The following FBN2 variants were observed in gnomAD, a reference collection of about 807,000 sequenced individuals.
The protein encoded by FBN2 is fibrillin-2.
A neutral mutation model predicts 355.6 loss-of-function variants in FBN2; 105 were observed. The observed-to-expected ratio is 0.30, with a 90% confidence interval of 0.25 to 0.35. The LOEUF (loss-of-function observed/expected upper bound fraction) is 0.35. Among genes scored for constraint, FBN2 ranks in the 10% least tolerant of loss-of-function variants. The pLI, the probability that FBN2 is intolerant of heterozygous loss-of-function variation, is 1.00. For synonymous variants in FBN2, 1,350 were observed against 1,301.2 expected, an observed-to-expected ratio of 1.04 and a Z score of -0.81; for missense variants, 3,280 against 3,758.7, an observed-to-expected ratio of 0.87 and a Z score of 3.33.
chr5:128,316,382 T>C (rs1344062607), intron 36 of FBN2, among the ~76,000 whole-genome samples: 1 of 152,214 alleles, frequency 6.6e-6, no homozygotes, highest in Non-Finnish European at 1.5e-5. Context: ...CTTAATATTT[T>C]ATAATGTTTC....
At chr5:128,433,518 A>G (rs1753678722) in intron 7 of FBN2, among the ~76,000 whole-genome samples, 1 of 152,194 alleles carries the variant, frequency 6.6e-6, no homozygotes, top group Admixed American at 6.5e-5. Context: ...ATAATGCACT[A>G]TTACTAATGG....
chr5:128,506,606 A>G (rs898184492), intron 5 of FBN2, among the ~76,000 whole-genome samples: 10 of 152,106 alleles, frequency 6.6e-5, no homozygotes, highest in Non-Finnish European at 1.3e-4. Flanking sequence ...AAGTAAAACA[A>G]TTTTACTTCC....
At chr5:128,392,524 A>T (rs1337701114) in intron 10 of FBN2, among the ~76,000 whole-genome samples, 2 of 152,262 alleles carry the variant, frequency 1.3e-5, no homozygotes, top group Non-Finnish European at 2.9e-5. Flanking sequence ...ACATCTTTAA[A>T]TATTATTAGC....
At chr5:128,279,815 G>A (rs1164491324) in intron 56 of FBN2, among the ~76,000 whole-genome samples, 1 of 152,054 alleles carries the variant, frequency 6.6e-6, no homozygotes. Flanking sequence ...AACCTTCCCT[G>A]CATTTTTGAA....
chr5:128,394,921 G>A (rs946937421), intron 9 of FBN2, among the ~76,000 whole-genome samples: 2 of 152,138 alleles, frequency 1.3e-5, no homozygotes, highest in African/African-American at 4.8e-5. Context: ...AAGTATCTGG[G>A]ATTACAGGCA....
chr5:128,537,082 G>C (rs1384900967), intron 1 of FBN2, among the ~76,000 whole-genome samples: 2 of 152,004 alleles, frequency 1.3e-5, no homozygotes, highest in African/African-American at 4.8e-5. Context: ...CGCGAGCTCT[G>C]CACACGCTCT....
rs560759756 is a variant in FBN2, at chr5:128,408,918, C to A, written c.953-119G>T. 239 of 1,073,680 alleles carry A rather than the reference C, an allele frequency of 2.2e-4. 2 individuals carry two copies. In the Admixed American group the frequency reaches 4.3e-3, roughly 19 times the overall value. 66.5% of individuals were successfully genotyped at this position (1,073,680 alleles called of 1,614,324 possible). On this transcript the variant is annotated intron_variant, in intron 7 of 64. Coordinates refer to ENST00000262464, the MANE Select transcript of FBN2 (RefSeq NM_001999.4). ...TGGTTGATTAGGTCAGATCATATAA[C>A]CCTGAAGATACTCTTGTTTCAGGCC...
chr5:128,359,136 A>G (rs2126933807), intron 19 of FBN2, among the ~76,000 whole-genome samples: 1 of 152,212 alleles, frequency 6.6e-6, no homozygotes, highest in East Asian at 1.9e-4. Context: ...AAAGTAAAAT[A>G]AAGTTTCTGT....
intron 7 of FBN2, among the ~76,000 whole-genome samples, chr5:128,409,609 T>C (rs1314099017): frequency 6.6e-6 from 1 of 152,162 alleles, no homozygotes; most frequent in African/African-American, 2.4e-5. Context: ...TGGGAGCTAA[T>C]TGCTAATACA....
At chr5:128,310,382 ATATATATATATATATATATATTT>A (rs1561763363) in intron 39 of FBN2, among the ~76,000 whole-genome samples, 2 of 12,780 alleles carry the variant, frequency 1.6e-4, no homozygotes, top group South Asian at 2.7e-3. Flanking sequence ...ATATATATAT[ATATATATATATATATATATATTT>A]TTTTTTTTTT....
chr5:128,474,923 A>T (rs1185073371), intron 5 of FBN2, among the ~76,000 whole-genome samples: 1 of 152,174 alleles, frequency 6.6e-6, no homozygotes, highest in East Asian at 1.9e-4. Flanking sequence ...AAACCATTAG[A>T]CCGTAGGACA....
chr5:128,374,784 T>C (rs1752039191), intron 14 of FBN2, 34 bp from the exon 15 acceptor site: 2 of 1,613,302 alleles, frequency 1.2e-6, no homozygotes, highest in Non-Finnish European at 1.7e-6. Flanking sequence ...AAGCAGTTAC[T>C]GGGTAAATTT....
chr5:128,382,737 T>C (rs1752264884), intron 11 of FBN2, among the ~76,000 whole-genome samples: 1 of 152,106 alleles, frequency 6.6e-6, no homozygotes, highest in Non-Finnish European at 1.5e-5. Context: ...TCCCCACAAC[T>C]AATCTGTCAT....
At chr5:128,353,219 C>T (rs1751415652) in intron 20 of FBN2, among the ~76,000 whole-genome samples, 1 of 151,964 alleles carries the variant, frequency 6.6e-6, no homozygotes, top group South Asian at 2.1e-4. Context: ...AAAATACCCC[C>T]CTGCCCCCAA....
chr5:128,480,926 C>A (rs1755166523), intron 5 of FBN2, among the ~76,000 whole-genome samples: 2 of 151,456 alleles, frequency 1.3e-5, no homozygotes, highest in South Asian at 2.1e-4. Context: ...TGGCTTTGAT[C>A]CTCCTAATTA....
At chr5:128,335,396 C>T (rs1223858530) in intron 29 of FBN2, 59 bp downstream of exon 29, 1 of 1,612,404 alleles carries the variant, frequency 6.2e-7, no homozygotes, top group Non-Finnish European at 8.5e-7. Context: ...TATCTGGAGC[C>T]ATATTTTCAA....
intron 6 of FBN2, among the ~76,000 whole-genome samples, chr5:128,449,355 T>TAATTTATAGTATACTATATA (rs1754160925): frequency 1.4e-4 from 13 of 94,278 alleles, no homozygotes; most frequent in African/African-American, 2.6e-4. Flanking sequence ...TAGTATACTA[T>TAATTTATAGTATACTATATA]ATAGTATACT....
At chr5:128,307,079 T>G (rs1561761082) in intron 42 of FBN2, 56 bp downstream of exon 42, 2 of 1,103,848 alleles carry the variant, frequency 1.8e-6, no homozygotes. Flanking sequence ...ATAGAATAGA[T>G]TTTTACAGAA....
chr5:128,501,130 T>C (rs1341755239), intron 5 of FBN2, among the ~76,000 whole-genome samples: 1 of 152,212 alleles, frequency 6.6e-6, no homozygotes, highest in African/African-American at 2.4e-5. Flanking sequence ...GATTTTCTGA[T>C]AGCAATGGTG....
Sources: gnomAD v4.1 joint callset for allele counts (sites outside exome capture counted in the v4.1 genomes callset) on GRCh38, gnomAD v4.1.1 for gene constraint, MANE v1.5 for transcripts, NCBI Gene and HGNC (gene_info 2026-07-23, HGNC 2026-07-21) for gene names.